The following TVP23B variants were observed in gnomAD, a reference collection of about 807,000 sequenced individuals.
TVP23B encodes the protein Golgi apparatus membrane protein TVP23 homolog B.
In TVP23B, 10 loss-of-function variants were observed where a neutral mutation model predicts 30.6. That is an observed-to-expected ratio of 0.33 (90% CI 0.20 to 0.55). The LOEUF (loss-of-function observed/expected upper bound fraction) is 0.55, where lower values mean the gene tolerates loss of function less well. TVP23B is among the 20% of genes least tolerant of loss of function. The probability of loss-of-function intolerance (pLI) is 0.91; values close to 1 mark genes in which losing one functional copy is unlikely to be tolerated. For synonymous variants in TVP23B, 67 were observed against 83.1 expected (o/e 0.81, Z 1.06); for missense variants, 153 against 243.2 (o/e 0.63, Z 2.47).
Position 18,803,613 on chromosome 17 carries a change from G to A in TVP23B, c.463-525G>A, listed in dbSNP as rs565875522. On this transcript the variant is annotated intron_variant, in intron 5 of 6. Transcript: ENST00000307767. ...TCCCCTTGGAGCTGTCTCCCTGCTCGGGGAAGGCAGGCATCGGTTGATTTA... is the reference window on the plus strand; with the variant it reads ...TCCCCTTGGAGCTGTCTCCCTGCTCAGGGAAGGCAGGCATCGGTTGATTTA... Among the ~76,000 whole-genome samples the A allele has an allele frequency of 1.8e-4, 27 of 152,356 alleles. No homozygotes were observed. In the South Asian group the frequency reaches 5.4e-3, roughly 30 times the overall value.
intron 4 of TVP23B, among the ~76,000 whole-genome samples, chr17:18,797,940 A>T (rs1263403723): frequency 6.6e-6 from 1 of 151,352 alleles, no homozygotes; most frequent in African/African-American, 2.4e-5. Context: ...GATTGCTGAT[A>T]AAAGATCTCT....
intron 1 of TVP23B, 142 bp from the exon 2 acceptor site, chr17:18,789,211 T>A: frequency 7.6e-7 from 1 of 1,324,460 alleles, no homozygotes; most frequent in Non-Finnish European, 1.0e-6. Flanking sequence ...TCTGCATGTG[T>A]CCTTTTCCTA....
At chr17:18,790,291 C>A (rs1353633864) in intron 2 of TVP23B, among the ~76,000 whole-genome samples, 1 of 151,628 alleles carries the variant, frequency 6.6e-6, no homozygotes, top group East Asian at 1.9e-4. Flanking sequence ...GGTGAAACCC[C>A]ATCTCTACTA....
In TVP23B at chr17:18,783,654, C is replaced by T. The variant is rs1216927895; in HGVS notation, c.12+2349C>T. ...CTAGTTGCATGTTTACTCAGGGTCTCATATTCTTTTATGATAATTGGACTG... is the reference window on the plus strand; with the variant it reads ...CTAGTTGCATGTTTACTCAGGGTCTTATATTCTTTTATGATAATTGGACTG... On this transcript the variant is annotated intron_variant, in intron 1 of 6. Coordinates refer to ENST00000307767, the MANE Select transcript of TVP23B (RefSeq NM_016078.6). 2.6e-5 allele frequency among the ~76,000 whole-genome samples: 4 copies of T among 152,322 alleles called. No homozygotes were observed. In the East Asian group the frequency reaches 5.8e-4, roughly 22 times the overall value.
chr17:18,803,286 T>C (rs2036195918), intron 5 of TVP23B, among the ~76,000 whole-genome samples: 2 of 152,126 alleles, frequency 1.3e-5, no homozygotes, highest in Admixed American at 6.5e-5. Context: ...CTTGCCCACT[T>C]ATATATTGTC....
Position 18,805,582 on chromosome 17 carries a change from T to C in TVP23B, c.*15T>C, listed in dbSNP as rs1310403899. ...AGACTTCCTGAATAGAGAAAGCTTATGTGCTTTGTTACATTGGGGAACAAC... is the reference window on the plus strand; with the variant it reads ...AGACTTCCTGAATAGAGAAAGCTTACGTGCTTTGTTACATTGGGGAACAAC... On this transcript the variant is annotated 3_prime_UTR_variant, in exon 7 of 7. Transcript: ENST00000307767. 2.3e-5 allele frequency: 37 copies of C among 1,607,054 alleles called. No individual in the cohort carries two copies. Among genetic ancestry groups the C allele is most frequent in the Non-Finnish European group, 3.1e-5 (37 of 1,178,042 alleles).
intron 1 of TVP23B, chr17:18,782,357 T>C (rs1438857296): frequency 6.6e-6 from 1 of 151,106 alleles, no homozygotes; most frequent in Non-Finnish European, 1.5e-5. Flanking sequence ...AATACAAAAA[T>C]TAGTTGGGCG....
intron 3 of TVP23B, among the ~76,000 whole-genome samples, chr17:18,792,579 G>T (rs1435330088): frequency 6.6e-6 from 1 of 152,144 alleles, no homozygotes; most frequent in Non-Finnish European, 1.5e-5. Flanking sequence ...TTTCTGTTCA[G>T]CCAAATAGAA....
At chr17:18,788,160 CT>C (rs1258997586) in intron 1 of TVP23B, among the ~76,000 whole-genome samples, 1 of 151,466 alleles carries the variant, frequency 6.6e-6, no homozygotes, top group African/African-American at 2.4e-5. Flanking sequence ...AAACCTGTCT[CT>C]ACAAAAAAAA....
At chr17:18,797,498 A>G (rs577643984) in intron 3 of TVP23B, 81 bp from the exon 4 acceptor site, 27 of 1,597,570 alleles carry the variant, frequency 1.7e-5, no homozygotes, top group East Asian at 4.5e-5. Flanking sequence ...TGTTTGTGAA[A>G]TGTTACACTA....
chr17:18,784,674 G>A (rs975951226), intron 1 of TVP23B, among the ~76,000 whole-genome samples: 2 of 152,072 alleles, frequency 1.3e-5, no homozygotes, highest in Non-Finnish European at 2.9e-5. Context: ...AAATACAGTG[G>A]TCTCTCTTTG....
intron 1 of TVP23B, chr17:18,782,385 A>C (rs1176974125): frequency 5.3e-5 from 8 of 151,606 alleles, no homozygotes; most frequent in Admixed American, 4.6e-4. Context: ...GCACGCCTGT[A>C]GTCCCAGCTA....
rs562280141 is a variant in TVP23B, at chr17:18,783,552, CCT to C, written c.12+2253_12+2254del. Among the ~76,000 whole-genome samples, 22 of 152,328 alleles carry C rather than the reference CCT, an allele frequency of 1.4e-4. No individual in the cohort carries two copies. The East Asian group carries it at 3.5e-3, about 24-fold the overall frequency. ...AAATCTTCAACGTTTCTTCTCTTAT[CCT>C]CTCTCAGCTGGTAACGTTGCTTCTT... On this transcript the variant is annotated intron_variant, in intron 1 of 6. Coordinates refer to ENST00000307767, the MANE Select transcript of TVP23B (RefSeq NM_016078.6).
At position 18,798,401 on chromosome 17, in the gene TVP23B, T is replaced by G. The variant is rs1365817755; in HGVS notation, c.331-411T>G. ...TTGATTATTGTCCAGAATCCCTTGATTCCGTTTTTTTTTTTTCCTCTGGAC... is the reference window on the plus strand; with the variant it reads ...TTGATTATTGTCCAGAATCCCTTGAGTCCGTTTTTTTTTTTTCCTCTGGAC... On this transcript the variant is annotated intron_variant, in intron 4 of 6. Coordinates refer to ENST00000307767, the MANE Select transcript of TVP23B (RefSeq NM_016078.6). 2.7e-5 allele frequency among the ~76,000 whole-genome samples: 4 copies of G among 148,632 alleles called. No individual in the cohort carries two copies. The Admixed American group carries it at 2.7e-4, about 10-fold the overall frequency.
At chr17:18,801,909 A>G (rs1417910228) in intron 5 of TVP23B, among the ~76,000 whole-genome samples, 2 of 152,170 alleles carry the variant, frequency 1.3e-5, no homozygotes, top group African/African-American at 2.4e-5. Context: ...AAAATTCACA[A>G]AATTGCAGCC....
intron 2 of TVP23B, 150 bp downstream of exon 2, chr17:18,789,585 G>A: frequency 9.8e-7 from 1 of 1,025,210 alleles, no homozygotes. Context: ...GTACGACAAA[G>A]ATGACATTTC....
chr17:18,786,762 A>G (rs1029505012), intron 1 of TVP23B, among the ~76,000 whole-genome samples: 6 of 152,002 alleles, frequency 3.9e-5, no homozygotes, highest in Admixed American at 3.9e-4. Flanking sequence ...GCTCAGTAGG[A>G]GCTTCTCGCA....
In TVP23B at chr17:18,804,189, A is replaced by G; in HGVS notation, c.514A>G (p.Ile172Val). The change falls in exon 6 of 7, where the codon ATC (isoleucine) becomes GTC (valine). Residue 172 changes from isoleucine to valine, a missense_variant. Coordinates refer to ENST00000307767, the MANE Select transcript of TVP23B (RefSeq NM_016078.6). ...ACAAGGTGCCAACCTGTATGGTTAC[A>G]TCAGGTGTAAGGTGCGCAGCAGAAA... is the stretch of plus-strand genomic sequence containing the variant. ...VLQGANLYGY[I>V]RCKVRSRKHL... 6.2e-7 allele frequency: 1 copy of G among 1,613,384 alleles called. No individual in the cohort carries two copies. Among genetic ancestry groups the G allele is most frequent in the Non-Finnish European group, 8.5e-7 (1 of 1,179,728 alleles).
intron 4 of TVP23B, 34 bp downstream of exon 4, chr17:18,797,702 C>G (rs1296873988): frequency 1.3e-6 from 2 of 1,490,950 alleles, no homozygotes; most frequent in Non-Finnish European, 1.8e-6. Context: ...ATAATGTTAT[C>G]AGCTAAATTA....
Sources: gnomAD v4.1 joint callset for allele counts (sites outside exome capture counted in the v4.1 genomes callset) on GRCh38, gnomAD v4.1.1 for gene constraint, MANE v1.5 for transcripts, NCBI Gene and HGNC (gene_info 2026-07-23, HGNC 2026-07-21) for gene names.